Variants in NRXN3 observed in about 807,000 individuals in gnomAD.
NRXN3 encodes neurexin III.
NRXN3 carries 32 observed loss-of-function variants against 137.6 expected under a neutral mutation model. The ratio of observed to expected loss-of-function variants is 0.23; its 90% CI spans 0.18 to 0.31. The LOEUF (loss-of-function observed/expected upper bound fraction) is 0.31, where lower values mean the gene tolerates loss of function less well. Among genes scored for constraint, NRXN3 ranks in the 10% least tolerant of loss-of-function variants. The pLI is 1.00. For synonymous variants in NRXN3, 798 were observed against 784.5 expected (o/e 1.02, Z -0.29); for missense variants, 1,574 against 2,062.5 (o/e 0.76, Z 4.59).
chr14:79,853,171 G>A (rs1351913504), intron 20 of NRXN3, among the ~76,000 whole-genome samples: 1 of 152,164 alleles, frequency 6.6e-6, no homozygotes, highest in Admixed American at 6.5e-5. Context: ...CCCCTGCTTA[G>A]TAGTGCGTCT....
At chr14:78,686,692 T>C (rs1281640804) in intron 6 of NRXN3, among the ~76,000 whole-genome samples, 3 of 152,186 alleles carry the variant, frequency 2.0e-5, no homozygotes, top group Non-Finnish European at 4.4e-5. Context: ...AAAATATATA[T>C]GAAGTAAAAA....
chr14:79,172,640 G>A (rs576315649), intron 15 of NRXN3, among the ~76,000 whole-genome samples: 6 of 152,254 alleles, frequency 3.9e-5, no homozygotes, highest in African/African-American at 9.6e-5. Flanking sequence ...ATGGTTTTGA[G>A]TGGTGACAAT....
At chr14:78,378,870 A>T (rs2088452694) in intron 4 of NRXN3, among the ~76,000 whole-genome samples, 1 of 152,174 alleles carries the variant, frequency 6.6e-6, no homozygotes, top group African/African-American at 2.4e-5. Flanking sequence ...AACAAAATTG[A>T]CACAACTTTA....
intron 9 of NRXN3, among the ~76,000 whole-genome samples, chr14:78,805,600 GA>G (rs201107127): frequency 0.051 from 4,732 of 92,774 alleles, 127 homozygotes; most frequent in East Asian, 0.18. Context: ...AAAAACAACA[GA>G]AAAAAAAAAA....
chr14:79,748,715 T>C (rs2154085858), intron 19 of NRXN3, among the ~76,000 whole-genome samples: 1 of 152,204 alleles, frequency 6.6e-6, no homozygotes, highest in Non-Finnish European at 1.5e-5. Flanking sequence ...TTGTTGTTCT[T>C]TTCTGTGATT....
chr14:78,684,315 A>C (rs1420899513), intron 6 of NRXN3, among the ~76,000 whole-genome samples: 2 of 152,224 alleles, frequency 1.3e-5, no homozygotes, highest in East Asian at 3.8e-4. Flanking sequence ...AAATTGGCAC[A>C]TGAGGTTAAA....
At chr14:79,007,096 G>A (rs1488587103) in intron 15 of NRXN3, among the ~76,000 whole-genome samples, 1 of 152,142 alleles carries the variant, frequency 6.6e-6, no homozygotes, top group Non-Finnish European at 1.5e-5. Context: ...ACACACTCAC[G>A]TAACAGAAGA....
At position 79,506,655 on chromosome 14, in the gene NRXN3, C is replaced by T. The variant is rs988199254; in HGVS notation, c.3444+39253C>T. The stretch of plus-strand genomic sequence containing the variant: ...CTACTATTCTATCTAACTTAGGCAG[C>T]ATTGAATTTCATTTTTTTTTCTCCT... On this transcript the variant is annotated intron_variant, in intron 16 of 20. Coordinates refer to ENST00000335750, the MANE Select transcript of NRXN3 (RefSeq NM_001330195.2). Among the ~76,000 whole-genome samples, 5 of 152,270 alleles carry T rather than the reference C, an allele frequency of 3.3e-5. No homozygotes were observed. In the South Asian group the frequency reaches 1.0e-3, roughly 32 times the overall value.
intron 17 of NRXN3, among the ~76,000 whole-genome samples, chr14:79,686,359 G>C (rs966995248): frequency 2.0e-5 from 3 of 152,056 alleles, no homozygotes; most frequent in African/African-American, 7.2e-5. Flanking sequence ...GTTTTGGAAG[G>C]CTCTCAAGGC....
At chr14:78,231,784 C>T (rs117312450) in intron 1 of NRXN3, among the ~76,000 whole-genome samples, 195 of 152,358 alleles carry the variant, frequency 1.3e-3, no homozygotes, top group Non-Finnish European at 2.3e-3. Flanking sequence ...GTGTACCATA[C>T]TTGGCATAGC....
intron 20 of NRXN3, among the ~76,000 whole-genome samples, chr14:79,855,923 C>G (rs2141844178): frequency 6.6e-6 from 1 of 152,178 alleles, no homozygotes. Context: ...GTAGGAACTC[C>G]TAGAGAGTTC....
chr14:79,491,903 G>T (rs1053953914), intron 16 of NRXN3, among the ~76,000 whole-genome samples: 1 of 152,076 alleles, frequency 6.6e-6, no homozygotes, highest in African/African-American at 2.4e-5. Context: ...AATTCATTTT[G>T]AAGTTACAAG....
chr14:78,530,656 C>T (rs573159048), intron 4 of NRXN3, among the ~76,000 whole-genome samples: 5 of 152,306 alleles, frequency 3.3e-5, no homozygotes, highest in Admixed American at 6.5e-5. Flanking sequence ...GGTTTTAGGA[C>T]TTGACCTAAA....
chr14:79,346,433 T>C (rs1937764517), intron 15 of NRXN3, among the ~76,000 whole-genome samples: 1 of 151,836 alleles, frequency 6.6e-6, no homozygotes, highest in South Asian at 2.1e-4. Flanking sequence ...AAAAATAAGA[T>C]AAGGCAAGGT....
chr14:79,175,465 T>TCC (rs2062236159), intron 15 of NRXN3, among the ~76,000 whole-genome samples: 2 of 152,114 alleles, frequency 1.3e-5, no homozygotes, highest in South Asian at 4.1e-4. Flanking sequence ...AACTTACAAG[T>TCC]ATCCATTGCA....
At chr14:78,281,577 T>C (rs552426267) in intron 3 of NRXN3, among the ~76,000 whole-genome samples, 1 of 152,276 alleles carries the variant, frequency 6.6e-6, no homozygotes, top group East Asian at 1.9e-4. Context: ...TTCTTCCACT[T>C]CATGGGGTGA....
At chr14:78,633,267 A>AAAAAAAAAAAAAG (rs1376443966) in intron 4 of NRXN3, among the ~76,000 whole-genome samples, 10 of 150,080 alleles carry the variant, frequency 6.7e-5, no homozygotes, top group African/African-American at 2.0e-4. Flanking sequence ...AAAAAAAAAA[A>AAAAAAAAAAAAAG]AGAGACTGGT....
chr14:79,414,620 T>C (rs2095470212), intron 15 of NRXN3, among the ~76,000 whole-genome samples: 1 of 152,124 alleles, frequency 6.6e-6, no homozygotes, highest in Non-Finnish European at 1.5e-5. Flanking sequence ...CAACATAATG[T>C]TTGATGTATA....
intron 15 of NRXN3, among the ~76,000 whole-genome samples, chr14:79,342,283 T>G (rs942140606): frequency 2.1e-4 from 32 of 152,188 alleles, no homozygotes; most frequent in African/African-American, 7.5e-4. Flanking sequence ...AAATAGTCTC[T>G]AAGATGCAGA....
Sources: gnomAD v4.1 joint callset for allele counts (sites outside exome capture counted in the v4.1 genomes callset) on GRCh38, gnomAD v4.1.1 for gene constraint, MANE v1.5 for transcripts, NCBI Gene and HGNC (gene_info 2026-07-23, HGNC 2026-07-21) for gene names.